Variants in ETFRF1 observed in about 807,000 individuals in gnomAD.
The protein encoded by ETFRF1 is electron transfer flavoprotein regulatory factor 1, also known as LYR motif containing 5.
A neutral mutation model predicts 9.0 loss-of-function variants in ETFRF1; 12 were observed. That is an observed-to-expected ratio of 1.34 (90% CI 0.86 to 2.16). ETFRF1 has a LOEUF of 2.16. Among genes scored for constraint, ETFRF1 ranks in the 30% most tolerant of loss-of-function variants. The probability of loss-of-function intolerance (pLI) is 0.00; values close to 1 mark genes in which losing one functional copy is unlikely to be tolerated. For missense variants in ETFRF1, 98 were observed against 101.8 expected, an observed-to-expected ratio of 0.96 and a Z score of 0.16; for synonymous variants, 34 against 33.2, an observed-to-expected ratio of 1.02 and a Z score of -0.08.
chr12:25,198,763 AGAG>A (rs1366053645), intron 1 of ETFRF1, among the ~76,000 whole-genome samples: 4 of 152,210 alleles, frequency 2.6e-5, no homozygotes, highest in African/African-American at 9.7e-5. Flanking sequence ...TCCCTAGGAA[AGAG>A]GAGCCAGAAA....
chr12:25,203,850 GT>G, intron 1 of ETFRF1, 69 bp from the exon 2 acceptor site: 1 of 873,504 alleles, frequency 1.1e-6, no homozygotes, highest in Non-Finnish European at 1.6e-6. Flanking sequence ...TTTTCTCAAT[GT>G]GTATAACCTT....
In ETFRF1 at chr12:25,204,378, T is replaced by TCTAA. The variant is rs1951108513; in HGVS notation, c.*69_*72dup. 1 of 1,305,114 alleles carries TCTAA rather than the reference T, an allele frequency of 7.7e-7. No homozygotes were observed. The highest frequency in any genetic ancestry group is 1.0e-6 in the Non-Finnish European group (1 of 973,578). The allele number at this position is 1,305,114 out of a possible 1,614,324, so 80.8% of individuals were successfully genotyped here. A position where few individuals can be genotyped will look rare whatever the true frequency, so the allele number is the denominator to read the frequency against. ...TGTATACCAGATGTTGTAAAATAATTCTAACTTAAAATGGGAAGATATACA... is the reference window on the plus strand; with the variant it reads ...TGTATACCAGATGTTGTAAAATAATTCTAACTAACTTAAAATGGGAAGATATACA... On this transcript the variant is annotated 3_prime_UTR_variant, in exon 3 of 3. Transcript: ENST00000381356.
intron 1 of ETFRF1, among the ~76,000 whole-genome samples, chr12:25,197,489 G>C (rs573752094): frequency 6.6e-6 from 1 of 152,134 alleles, no homozygotes; most frequent in African/African-American, 2.4e-5. Context: ...TTGAGACAGG[G>C]TCTCAAAATG....
chr12:25,196,037 T>C (rs1217961590), intron 1 of ETFRF1: 3 of 152,390 alleles, frequency 2.0e-5, no homozygotes, highest in East Asian at 3.9e-4. Flanking sequence ...ACTGGCACCA[T>C]TTCTCATCTC....
intron 1 of ETFRF1, among the ~76,000 whole-genome samples, chr12:25,198,393 G>A (rs982910613): frequency 5.9e-5 from 9 of 152,084 alleles, no homozygotes; most frequent in Admixed American, 6.5e-5. Context: ...CCCACCCAGA[G>A]CACCCTAAGT....
intron 1 of ETFRF1, among the ~76,000 whole-genome samples, chr12:25,196,868 T>C (rs572123010): frequency 2.0e-3 from 299 of 152,288 alleles, no homozygotes; most frequent in African/African-American, 6.5e-3. Flanking sequence ...AAAGATAAAC[T>C]GCATTGCCTG....
Position 25,204,333 on chromosome 12 carries a change from C to G in ETFRF1, c.*21C>G. ...ATTGATCATTACTACTTTAATTTAGCTATCAGTGCCAGCTGTTTATGTATA... is the reference window on the plus strand; with the variant it reads ...ATTGATCATTACTACTTTAATTTAGGTATCAGTGCCAGCTGTTTATGTATA... On this transcript the variant is annotated 3_prime_UTR_variant, in exon 3 of 3. Transcript: ENST00000381356. The G allele has an allele frequency of 6.6e-7, 1 of 1,512,776 alleles. No homozygotes were observed. Among genetic ancestry groups the G allele is most frequent in the South Asian group, 1.3e-5 (1 of 76,360 alleles). 93.7% of individuals were successfully genotyped at this position (1,512,776 alleles called of 1,614,324 possible).
chr12:25,204,370 AAAAT>A lies in ETFRF1; in HGVS notation c.*61_*64del, dbSNP rs1951108418. On this transcript the variant is annotated 3_prime_UTR_variant, in exon 3 of 3. Coordinates refer to ENST00000381356, the MANE Select transcript of ETFRF1 (RefSeq NM_001001660.3). ...GCTGTTTATGTATACCAGATGTTGT[AAAAT>A]AATTCTAACTTAAAATGGGAAGATA... 2.2e-6 allele frequency: 3 copies of A among 1,334,734 alleles called. No individual in the cohort carries two copies. In the East Asian group the frequency reaches 7.3e-5, roughly 32 times the overall value. 82.7% of individuals were successfully genotyped at this position (1,334,734 alleles called of 1,614,324 possible). A position where few individuals can be genotyped will look rare whatever the true frequency, so the allele number is the denominator to read the frequency against.
In ETFRF1 at chr12:25,204,324, T is replaced by TTAA. The variant is rs1215350389; in HGVS notation, c.*14_*16dup. On this transcript the variant is annotated 3_prime_UTR_variant, in exon 3 of 3. Transcript: ENST00000381356. The stretch of plus-strand genomic sequence containing the variant: ...ACAAAACTAATTGATCATTACTACT[T>TTAA]TAATTTAGCTATCAGTGCCAGCTGT... The TTAA allele has an allele frequency of 6.5e-7, 1 of 1,539,198 alleles. No individual in the cohort carries two copies. Among genetic ancestry groups the TTAA allele is most frequent in the African/African-American group, 1.4e-5 (1 of 71,928 alleles).
intron 1 of ETFRF1, among the ~76,000 whole-genome samples, chr12:25,200,356 T>A (rs1388158410): frequency 6.6e-6 from 1 of 152,122 alleles, no homozygotes; most frequent in African/African-American, 2.4e-5. Flanking sequence ...TCATTTAAAA[T>A]TTTTTCCCAA....
At chr12:25,203,496 G>A (rs1260131480) in intron 1 of ETFRF1, among the ~76,000 whole-genome samples, 2 of 152,190 alleles carry the variant, frequency 1.3e-5, no homozygotes, top group Admixed American at 1.3e-4. Context: ...CTCTGGCCTT[G>A]CCTTGAGAGC....
In ETFRF1 at chr12:25,204,284, A is replaced by G; in HGVS notation, c.245A>G (p.Tyr82Cys). Residue 82 changes from tyrosine (Y) to cysteine (C), a missense_variant, in exon 3 of 3, where the codon TAT becomes TGT. Tyr to Cys is a radical substitution (Grantham distance 194). Coordinates refer to ENST00000381356, the MANE Select transcript of ETFRF1 (RefSeq NM_001001660.3). ...LRKYRAMKQR[Y>C]YSDTNKTN The stretch of plus-strand genomic sequence containing the variant: ...AAATACAGAGCTATGAAACAACGCT[A>G]TTATTCAGATACCAACAAAACTAAT... The G allele has an allele frequency of 6.3e-7, 1 of 1,584,012 alleles. No homozygotes were observed. The highest frequency in any genetic ancestry group is 8.5e-7 in the Non-Finnish European group (1 of 1,170,910).
chr12:25,201,233 T>C (rs1951071145), intron 1 of ETFRF1, among the ~76,000 whole-genome samples: 1 of 152,218 alleles, frequency 6.6e-6, no homozygotes, highest in African/African-American at 2.4e-5. Flanking sequence ...TACACTTTGA[T>C]CTTTCCACAT....
intron 1 of ETFRF1, chr12:25,203,638 G>A (rs561144492): frequency 1.2e-3 from 293 of 244,876 alleles, no homozygotes; most frequent in Middle Eastern, 2.8e-3. Flanking sequence ...GGAGGTACAC[G>A]TACCTATCTG....
At position 25,204,594 on chromosome 12, in the gene ETFRF1, A is replaced by G. The variant is rs61764377; in HGVS notation, c.*282A>G. 0.012 allele frequency: 3,022 copies of G among 253,434 alleles called. 48 individuals are homozygous for G. The highest frequency in any genetic ancestry group is 0.043 in the African/African-American group (1,974 of 45,594). The allele number at this position is 253,434 out of a possible 1,614,324, so 15.7% of individuals were successfully genotyped here. A position where few individuals can be genotyped will look rare whatever the true frequency, so the allele number is the denominator to read the frequency against. ...ATAATACACTTAATCCTCTAACTTAATAGGACTTAGCCAATTATTTTTAGC... is the reference window on the plus strand; with the variant it reads ...ATAATACACTTAATCCTCTAACTTAGTAGGACTTAGCCAATTATTTTTAGC... On this transcript the variant is annotated 3_prime_UTR_variant, in exon 3 of 3. Transcript: ENST00000381356.
At chr12:25,196,401 C>G (rs1315696345) in intron 1 of ETFRF1, among the ~76,000 whole-genome samples, 1 of 152,176 alleles carries the variant, frequency 6.6e-6, no homozygotes, top group African/African-American at 2.4e-5. Context: ...GGAGATAGTT[C>G]AGTAATCCCA....
Position 25,204,423 on chromosome 12 carries a change from G to A in ETFRF1, c.*111G>A. On this transcript the variant is annotated 3_prime_UTR_variant, in exon 3 of 3. Transcript: ENST00000381356. Reference sequence around the variant, plus strand: ...TATACATGTTGTGTAAAAAATCCCTGAGCTGCCCTACTGAACTAAATAGGT... The same window carrying A: ...TATACATGTTGTGTAAAAAATCCCTAAGCTGCCCTACTGAACTAAATAGGT... 2 of 857,252 alleles carry A rather than the reference G, an allele frequency of 2.3e-6. No individual in the cohort carries two copies. The highest frequency in any genetic ancestry group is 3.3e-6 in the Non-Finnish European group (2 of 602,370). 53.1% of individuals were successfully genotyped at this position (857,252 alleles called of 1,614,324 possible).
chr12:25,198,738 G>T (rs973763370), intron 1 of ETFRF1, among the ~76,000 whole-genome samples: 1 of 152,202 alleles, frequency 6.6e-6, no homozygotes, highest in African/African-American at 2.4e-5. Flanking sequence ...AAGTATTAAT[G>T]TAGAAGTATT....
At position 25,204,911 on chromosome 12, in the gene ETFRF1, C is replaced by CATT. The variant is rs1239160095; in HGVS notation, c.*604_*606dup. 5.0e-6 allele frequency: 1 copy of CATT among 200,584 alleles called. No individual in the cohort carries two copies. The highest frequency in any genetic ancestry group is 2.3e-5 in the African/African-American group (1 of 43,562). 12.4% of individuals were successfully genotyped at this position (200,584 alleles called of 1,614,324 possible). A position where few individuals can be genotyped will look rare whatever the true frequency, so the allele number is the denominator to read the frequency against. On this transcript the variant is annotated 3_prime_UTR_variant, in exon 3 of 3. Coordinates refer to ENST00000381356, the MANE Select transcript of ETFRF1 (RefSeq NM_001001660.3). The stretch of plus-strand genomic sequence containing the variant: ...ACATAACTAACTATTCAATTATTTC[C>CATT]ATTATTAATGTTGCTGCTGCTACCT...
Sources: gnomAD v4.1 joint callset for allele counts (sites outside exome capture counted in the v4.1 genomes callset) on GRCh38, gnomAD v4.1.1 for gene constraint, MANE v1.5 for transcripts, NCBI Gene and HGNC (gene_info 2026-07-23, HGNC 2026-07-21) for gene names.